ANKRD31: variants seen among roughly 807,000 people sequenced by gnomAD.
ANKRD31 encodes the protein ankyrin repeat domain 31, also known as ankyrin repeat domain-containing protein 31.
ANKRD31 carries 147 observed loss-of-function variants against 186.0 expected under a neutral mutation model. That is an observed-to-expected ratio of 0.79 (90% CI 0.69 to 0.91). The LOEUF (loss-of-function observed/expected upper bound fraction) is 0.91, where lower values mean the gene tolerates loss of function less well. ANKRD31 is among the 40% of genes least tolerant of loss of function. ANKRD31 has a pLI of 0.00. For synonymous variants in ANKRD31, 673 were observed against 736.4 expected, an observed-to-expected ratio of 0.91 and a Z score of 1.39; for missense variants, 1,986 against 2,148.8, an observed-to-expected ratio of 0.92 and a Z score of 1.50.
chr5:75,130,351 G>A (rs1482889684), intron 17 of ANKRD31, among the ~76,000 whole-genome samples: 4 of 152,230 alleles, frequency 2.6e-5, no homozygotes, highest in African/African-American at 9.6e-5. Flanking sequence ...AGCTTCCACA[G>A]TGTGGAAAGG....
At chr5:75,199,313 G>A (rs930732418) in intron 6 of ANKRD31, among the ~76,000 whole-genome samples, 1 of 152,128 alleles carries the variant, frequency 6.6e-6, no homozygotes, top group Non-Finnish European at 1.5e-5. Flanking sequence ...CAAGTAAAAA[G>A]CAAATCCAAA....
intron 3 of ANKRD31, 120 bp downstream of exon 3, chr5:75,222,129 A>C: frequency 1.6e-6 from 1 of 642,080 alleles, no homozygotes; most frequent in South Asian, 2.5e-5. Flanking sequence ...GTAAAAATTA[A>C]TAAGAAAAGA....
intron 17 of ANKRD31, among the ~76,000 whole-genome samples, chr5:75,132,255 A>G (rs1014723365): frequency 6.6e-6 from 1 of 152,222 alleles, no homozygotes; most frequent in Non-Finnish European, 1.5e-5. Flanking sequence ...ATCGCAAAGA[A>G]CCTAAAAACC....
chr5:75,207,961 T>G (rs1756362701), intron 4 of ANKRD31, among the ~76,000 whole-genome samples: 1 of 152,092 alleles, frequency 6.6e-6, no homozygotes, highest in African/African-American at 2.4e-5. Flanking sequence ...ATCTACATAT[T>G]AGAAACTAAA....
chr5:75,159,730 G>A (rs555750650), intron 11 of ANKRD31, among the ~76,000 whole-genome samples: 2 of 150,956 alleles, frequency 1.3e-5, no homozygotes, highest in African/African-American at 4.8e-5. Flanking sequence ...AATACTAAAG[G>A]TAACTGGGCT....
chr5:75,079,102 A>G (rs1486066961), intron 25 of ANKRD31, among the ~76,000 whole-genome samples: 3 of 152,228 alleles, frequency 2.0e-5, no homozygotes, highest in Non-Finnish European at 2.9e-5. Context: ...TCTGGAGTCC[A>G]TCAATGCATT....
intron 10 of ANKRD31, among the ~76,000 whole-genome samples, chr5:75,183,907 T>A (rs1754506397): frequency 6.6e-6 from 1 of 151,734 alleles, no homozygotes; most frequent in Non-Finnish European, 1.5e-5. Flanking sequence ...ATAAAAAAAA[T>A]CCCTAAAATT....
At chr5:75,114,194 C>A (rs575553127) in intron 19 of ANKRD31, among the ~76,000 whole-genome samples, 2 of 151,962 alleles carry the variant, frequency 1.3e-5, no homozygotes, top group South Asian at 4.1e-4. Flanking sequence ...TACTATAAAC[C>A]ATATGGGATC....
At chr5:75,179,120 A>G (rs978122926) in intron 10 of ANKRD31, among the ~76,000 whole-genome samples, 4 of 152,160 alleles carry the variant, frequency 2.6e-5, no homozygotes, top group African/African-American at 7.2e-5. Flanking sequence ...ATGCAAATAA[A>G]CTAGAAAATC....
chr5:75,191,716 A>G (rs1239463425), intron 9 of ANKRD31, among the ~76,000 whole-genome samples: 1 of 152,042 alleles, frequency 6.6e-6, no homozygotes, highest in Admixed American at 6.6e-5. Context: ...AGTATTTTTT[A>G]CATCTCACAG....
intron 11 of ANKRD31, among the ~76,000 whole-genome samples, chr5:75,156,567 C>T (rs1460553324): frequency 1.3e-5 from 2 of 152,052 alleles, no homozygotes; most frequent in East Asian, 3.8e-4. Flanking sequence ...GAAAAAAGAC[C>T]TTTGCAAATA....
intron 3 of ANKRD31, among the ~76,000 whole-genome samples, chr5:75,217,974 T>C (rs1349791293): frequency 6.6e-6 from 1 of 152,090 alleles, no homozygotes; most frequent in Non-Finnish European, 1.5e-5. Flanking sequence ...CCCTGAGCAT[T>C]TGCTTGTCTC....
intron 3 of ANKRD31, among the ~76,000 whole-genome samples, chr5:75,211,710 T>G (rs1462209575): frequency 6.6e-6 from 1 of 152,208 alleles, no homozygotes; most frequent in Non-Finnish European, 1.5e-5. Context: ...TAAAGTGGTA[T>G]TTCATTGTGA....
chr5:75,222,608 C>T (rs188553968), intron 2 of ANKRD31, among the ~76,000 whole-genome samples: 2 of 152,224 alleles, frequency 1.3e-5, no homozygotes, highest in Non-Finnish European at 2.9e-5. Flanking sequence ...CCTCACCCCC[C>T]AACCCCCAAC....
At chr5:75,110,527 T>C (rs1248725840) in intron 20 of ANKRD31, among the ~76,000 whole-genome samples, 4 of 151,866 alleles carry the variant, frequency 2.6e-5, no homozygotes, top group Non-Finnish European at 5.9e-5. Context: ...CTGACCAACA[T>C]GGTGAAACCC....
At chr5:75,227,526 A>G (rs1757701766) in intron 2 of ANKRD31, among the ~76,000 whole-genome samples, 1 of 152,144 alleles carries the variant, frequency 6.6e-6, no homozygotes, top group Admixed American at 6.5e-5. Flanking sequence ...CCCCATAAAT[A>G]TATACACCTA....
At chr5:75,099,431 T>C (rs2150046807) in intron 22 of ANKRD31, among the ~76,000 whole-genome samples, 1 of 152,368 alleles carries the variant, frequency 6.6e-6, no homozygotes, top group East Asian at 1.9e-4. Context: ...GGTATCAGGA[T>C]GATGCTGGCC....
At chr5:75,218,495 C>A (rs1757095226) in intron 3 of ANKRD31, among the ~76,000 whole-genome samples, 1 of 152,084 alleles carries the variant, frequency 6.6e-6, no homozygotes. Context: ...GAGAGATTCA[C>A]AGCTGAATTA....
intron 22 of ANKRD31, among the ~76,000 whole-genome samples, chr5:75,099,687 C>T (rs1746655984): frequency 1.3e-5 from 2 of 152,104 alleles, no homozygotes; most frequent in African/African-American, 4.8e-5. Flanking sequence ...GGAATTTATC[C>T]ATTTCTTCTA....
Sources: allele counts gnomAD v4.1 joint callset (sites outside exome capture counted in the v4.1 genomes callset), GRCh38; gene constraint gnomAD v4.1.1; transcripts MANE v1.5; gene names NCBI Gene and HGNC (gene_info 2026-07-23, HGNC 2026-07-21).